NBDY: variants seen among roughly 807,000 people sequenced by gnomAD.
NBDY encodes P-body dissociating protein.
intron 2 of NBDY, among the ~76,000 whole-genome samples, chrX:56,787,415 C>A (rs1374335146): frequency 2.7e-5 from 3 of 111,405 alleles, no homozygotes; most frequent in Non-Finnish European, 5.6e-5. Context: ...TGAAGCTACC[C>A]ACAATCTCTT....
chrX:56,809,288 G>C (rs777635186), intron 2 of NBDY, among the ~76,000 whole-genome samples: 1 of 111,868 alleles, frequency 8.9e-6, no homozygotes, highest in South Asian at 3.8e-4. Flanking sequence ...GTCCAGAGCT[G>C]AGTTCAAGTC....
At chrX:56,806,247 C>T (rs757527953) in intron 2 of NBDY, among the ~76,000 whole-genome samples, 2 of 112,051 alleles carry the variant, frequency 1.8e-5, no homozygotes, top group Non-Finnish European at 3.8e-5. Flanking sequence ...GGTTCCAAGT[C>T]TTTGCTTTTG....
At chrX:56,742,154 G>T (rs1325922033) in intron 2 of NBDY, among the ~76,000 whole-genome samples, 1 of 111,139 alleles carries the variant, frequency 9.0e-6, no homozygotes, top group Non-Finnish European at 1.9e-5. Flanking sequence ...GTGTGGATTT[G>T]TTTCTGGGTT....
At chrX:56,788,688 G>T (rs2069744369) in intron 2 of NBDY, among the ~76,000 whole-genome samples, 1 of 112,129 alleles carries the variant, frequency 8.9e-6, no homozygotes, top group Admixed American at 9.4e-5. Flanking sequence ...AGGGCAAGCT[G>T]TAACTGCCCA....
chrX:56,784,283 G>A (rs192472962), intron 2 of NBDY, among the ~76,000 whole-genome samples: 3 of 112,016 alleles, frequency 2.7e-5, no homozygotes, highest in East Asian at 5.6e-4. Context: ...ACAGGCTTCC[G>A]CACATTGTTG....
intron 2 of NBDY, among the ~76,000 whole-genome samples, chrX:56,812,696 T>G (rs1283070616): frequency 1.8e-5 from 2 of 111,697 alleles, no homozygotes; most frequent in Non-Finnish European, 3.8e-5. Context: ...CTTTGTCACT[T>G]GTTGTGTATG....
Position 56,787,783 on chromosome X carries a change from G to A in NBDY, c.*167-29537G>A, listed in dbSNP as rs1242516918. Among the ~76,000 whole-genome samples the A allele has an allele frequency of 2.7e-5, 3 of 112,408 alleles. No homozygotes were observed. The Admixed American group carries it at 2.8e-4, about 11-fold the overall frequency. ...GTCAGACTTGAGTGAGGTGTTGAGT[G>A]TCCCCTGTGAGGAGACTCTGGCCTC... On this transcript the variant is annotated intron_variant, in intron 2 of 2. Coordinates refer to ENST00000374922, the MANE Select transcript of NBDY (RefSeq NM_001348129.2).
In NBDY at chrX:56,814,109, G is replaced by A. The variant is rs764160680; in HGVS notation, c.*167-3211G>A. Among the ~76,000 whole-genome samples, 10 of 109,154 alleles carry A rather than the reference G, an allele frequency of 9.2e-5. 1 individual carries two copies. The South Asian group carries it at 3.8e-3, about 42-fold the overall frequency. 94.8% of individuals were successfully genotyped at this position (109,154 alleles called of 115,157 possible). ...TACTTTCAGATTGTAATTGATTTTTGCATTTTCTTTCTATCAATTTTTCTG... is the reference window on the plus strand; with the variant it reads ...TACTTTCAGATTGTAATTGATTTTTACATTTTCTTTCTATCAATTTTTCTG... On this transcript the variant is annotated intron_variant, in intron 2 of 2. Coordinates refer to ENST00000374922, the MANE Select transcript of NBDY (RefSeq NM_001348129.2).
intron 2 of NBDY, among the ~76,000 whole-genome samples, chrX:56,782,094 C>T (rs1398290466): frequency 2.7e-5 from 3 of 111,395 alleles, no homozygotes; most frequent in African/African-American, 6.5e-5. Context: ...GTCCTTTAAA[C>T]GGGAGGTGAC....
intron 2 of NBDY, among the ~76,000 whole-genome samples, chrX:56,813,178 A>C (rs1015310687): frequency 2.7e-5 from 3 of 111,454 alleles, no homozygotes; most frequent in African/African-American, 9.8e-5. Context: ...CCTAGAACTT[A>C]AAGTATATAT....
chrX:56,806,087 T>C (rs2069848253), intron 2 of NBDY, among the ~76,000 whole-genome samples: 1 of 111,561 alleles, frequency 9.0e-6, no homozygotes, highest in South Asian at 3.8e-4. Flanking sequence ...TTTCTGTTCT[T>C]CTGTTAGTTT....
intron 2 of NBDY, among the ~76,000 whole-genome samples, chrX:56,786,212 A>G (rs1049894186): frequency 3.6e-5 from 4 of 110,389 alleles, no homozygotes; most frequent in African/African-American, 1.3e-4. Flanking sequence ...TGACATCCTC[A>G]GGGCAAGGTT....
At chrX:56,804,254 G>C (rs2069838396) in intron 2 of NBDY, among the ~76,000 whole-genome samples, 1 of 112,131 alleles carries the variant, frequency 8.9e-6, no homozygotes, top group Non-Finnish European at 1.9e-5. Context: ...AGGTCCAACA[G>C]GCATCCATAG....
intron 2 of NBDY, among the ~76,000 whole-genome samples, chrX:56,794,403 C>CA (rs780860365): frequency 1.8e-5 from 2 of 111,585 alleles, no homozygotes; most frequent in Non-Finnish European, 3.8e-5. Context: ...AAAACCAACA[C>CA]AAAAAAACAA....
chrX:56,767,498 C>A (rs376652320), intron 2 of NBDY, among the ~76,000 whole-genome samples: 5 of 112,918 alleles, frequency 4.4e-5, no homozygotes, highest in African/African-American at 1.6e-4. Context: ...GGAGGGAGAG[C>A]CGCGGGCGGT....
intron 2 of NBDY, among the ~76,000 whole-genome samples, chrX:56,767,724 TCACACGAGAAAGGGCGGAGG>T (rs2069674995): frequency 9.0e-6 from 1 of 110,797 alleles, no homozygotes; most frequent in Non-Finnish European, 1.9e-5. Flanking sequence ...TTTGCTTTTT[TCACACGAGAAAGGGCGGAGG>T]CCCTCGGATT....
chrX:56,808,887 G>A (rs1481819899), intron 2 of NBDY, among the ~76,000 whole-genome samples: 1 of 112,661 alleles, frequency 8.9e-6, no homozygotes. Flanking sequence ...GCTTTCTCTT[G>A]TGGGCATTTA....
intron 2 of NBDY, among the ~76,000 whole-genome samples, chrX:56,743,644 G>T (rs1197602359): frequency 9.1e-6 from 1 of 110,382 alleles, no homozygotes; most frequent in African/African-American, 3.3e-5. Context: ...TTCATCTCTG[G>T]TTTTATTTAT....
At chrX:56,792,638 C>T (rs990350736) in intron 2 of NBDY, among the ~76,000 whole-genome samples, 19 of 111,288 alleles carry the variant, frequency 1.7e-4, no homozygotes, top group African/African-American at 6.2e-4. Context: ...CTCACACTAG[C>T]AAAGGGGTGT....
Sources: allele counts gnomAD v4.1 joint callset (sites outside exome capture counted in the v4.1 genomes callset), GRCh38; gene constraint gnomAD v4.1.1; transcripts MANE v1.5; gene names NCBI Gene and HGNC (gene_info 2026-07-23, HGNC 2026-07-21).